The following SYNE2 variants were observed in gnomAD, a reference collection of about 807,000 sequenced individuals.
SYNE2 encodes the protein spectrin repeat containing nuclear envelope protein 2.
Under a neutral mutation model 856.3 loss-of-function variants are expected in SYNE2, and 431 were observed. The observed-to-expected ratio is 0.50, with a 90% CI of 0.47 to 0.55. The LOEUF is 0.55. Ranked by LOEUF, SYNE2 falls within the 20% of genes least tolerant of loss-of-function variation. The pLI, the probability that SYNE2 is intolerant of heterozygous loss-of-function variation, is 0.00. For missense variants in SYNE2, 8,129 were observed against 8,023.2 expected (o/e 1.01, Z -0.50); for synonymous variants, 2,923 against 2,872.3 (o/e 1.02, Z -0.56).
chr14:64,013,501 C>A (rs867313631), intron 32 of SYNE2, among the ~76,000 whole-genome samples: 1 of 152,124 alleles, frequency 6.6e-6, no homozygotes. Context: ...CTTTTATAGT[C>A]CCCAAGGCCT....
intron 78 of SYNE2, among the ~76,000 whole-genome samples, chr14:64,135,622 G>T (rs758357619): frequency 6.6e-6 from 1 of 152,136 alleles, no homozygotes; most frequent in Non-Finnish European, 1.5e-5. Flanking sequence ...TTAAGCAACA[G>T]TCTAATATTA....
At position 64,021,480 on chromosome 14, in the gene SYNE2, CCTT is replaced by C. The variant is rs781006860; in HGVS notation, c.5320_5322del (p.Ser1774del). 2 of 1,613,754 alleles carry C rather than the reference CCTT, an allele frequency of 1.2e-6. No individual in the cohort carries two copies. The highest frequency in any genetic ancestry group is 2.7e-5 in the African/African-American group (2 of 74,796). ...TGAATCCCTCTTAAAAGCCCTGTCT[CCTT>C]CTGACAGCTTGGAGATCTTCACTAA... is the stretch of plus-strand genomic sequence containing the variant. On this transcript the variant is annotated inframe_deletion, in exon 36 of 116. Transcript: ENST00000555002.
chr14:63,787,327 T>A (rs1348936437), intron 1 of SYNE2, among the ~76,000 whole-genome samples: 2 of 152,142 alleles, frequency 1.3e-5, no homozygotes, highest in African/African-American at 4.8e-5. Context: ...AACTGACTCA[T>A]CTTCTTCCCC....
intron 106 of SYNE2, among the ~76,000 whole-genome samples, chr14:64,214,780 C>A (rs2098657938): frequency 1.3e-5 from 2 of 152,146 alleles, no homozygotes; most frequent in African/African-American, 4.8e-5. Context: ...CACACTGTCA[C>A]CCAGGCTGAG....
intron 99 of SYNE2, chr14:64,202,125 C>G (rs1233510118): frequency 2.9e-6 from 2 of 696,542 alleles, no homozygotes; most frequent in African/African-American, 3.5e-5. Flanking sequence ...GGCAGACTGG[C>G]GAGGGAGATC....
chr14:63,881,532 T>C (rs534664629), intron 1 of SYNE2, among the ~76,000 whole-genome samples: 1 of 151,226 alleles, frequency 6.6e-6, no homozygotes, highest in Non-Finnish European at 1.5e-5. Context: ...GTTAGAGTTA[T>C]AATACAGATT....
chr14:64,137,649 C>A, intron 78 of SYNE2, 138 bp from the exon 79 acceptor site: 1 of 880,420 alleles, frequency 1.1e-6, no homozygotes, highest in Non-Finnish European at 1.8e-6. Context: ...TCCAGTCAGA[C>A]TATATAGTCT....
At chr14:63,804,206 T>C (rs1486829150) in intron 1 of SYNE2, among the ~76,000 whole-genome samples, 1 of 152,204 alleles carries the variant, frequency 6.6e-6, no homozygotes, top group African/African-American at 2.4e-5. Flanking sequence ...ACACCCATTT[T>C]TTAATCAGTT....
intron 12 of SYNE2, 141 bp downstream of exon 12, chr14:63,976,868 T>G: frequency 2.2e-6 from 2 of 892,452 alleles, no homozygotes; most frequent in Non-Finnish European, 3.5e-6. Flanking sequence ...TGGGGATTTT[T>G]GGGACCTAGA....
intron 79 of SYNE2, 160 bp downstream of exon 79, chr14:64,138,143 G>T: frequency 8.5e-6 from 6 of 709,116 alleles, no homozygotes; most frequent in Non-Finnish European, 1.5e-5. Flanking sequence ...ACGCGATGTA[G>T]AATCTCTGAT....
chr14:63,974,798 A>ATATGTGTGTG (rs2096519293), intron 11 of SYNE2, among the ~76,000 whole-genome samples: 1 of 133,676 alleles, frequency 7.5e-6, no homozygotes, highest in African/African-American at 2.8e-5. Context: ...ATATATGTGT[A>ATATGTGTGTG]TATATGTGTA....
In SYNE2 at chr14:63,767,273, T is replaced by C. The variant is rs570472506; in HGVS notation, c.-305+5287T>C. 7.8e-4 allele frequency among the ~76,000 whole-genome samples: 118 copies of C among 151,906 alleles called. 3 individuals carry two copies. Among genetic ancestry groups the C allele is most frequent in the Admixed American group, 3.6e-3 (55 of 15,230 alleles). On this transcript the variant is annotated intron_variant, in intron 1 of 23. Coordinates refer to the SYNE2 transcript ENST00000674003. ...GGCGCCAGCCAACACGCCCAGTTAA[T>C]TTTTGTATTTTTTTTTAGTAGGGAT... is the stretch of plus-strand genomic sequence containing the variant.
Position 64,027,612 on chromosome 14 carries a change from AG to A in SYNE2, c.6534del (p.Ala2180LeufsTer3), listed in dbSNP as rs2096990931. 6.2e-7 allele frequency: 1 copy of A among 1,614,050 alleles called. No homozygotes were observed. The highest frequency in any genetic ancestry group is 8.5e-7 in the Non-Finnish European group (1 of 1,180,020). Reference sequence around the variant, plus strand: ...GCTCTACAACATGGTCTGCAGGAGAAGAAAGCTCAGTTAAAGATTTATAAGA... The same window carrying A: ...GCTCTACAACATGGTCTGCAGGAGAAAAAGCTCAGTTAAAGATTTATAAGA... Reference protein sequence around the residue: ...GFALQHGLQEKKAQLKIYKKF... With the variant: ...GFALQHGLQEXKAQLKIYKKF... On this transcript the variant is annotated frameshift_variant, in exon 43 of 116. Transcript: ENST00000555002. LOFTEE classifies it high-confidence loss of function.
rs190331728 is a variant in SYNE2 at position 64,036,693 on chromosome 14, T to A, written c.7221+5336T>A. On this transcript the variant is annotated intron_variant, in intron 45 of 115. Coordinates refer to ENST00000555002, the MANE Select transcript of SYNE2 (RefSeq NM_182914.3). ...TCTATAACCCACACATTAAAAAAAA[T>A]TTTTTTTTAATTTTTCCCCAATCAC... Among the ~76,000 whole-genome samples the A allele has an allele frequency of 3.7e-3, 557 of 151,998 alleles. 3 individuals are homozygous for A. The highest frequency in any genetic ancestry group is 0.012 in the African/African-American group (485 of 41,472).
Position 63,816,938 on chromosome 14 carries a change from C to T in SYNE2, c.-304-35563C>T, listed in dbSNP as rs78122879. 5.4e-3 allele frequency among the ~76,000 whole-genome samples: 819 copies of T among 152,156 alleles called. 5 individuals are homozygous for T. Among genetic ancestry groups the T allele is most frequent in the African/African-American group, 0.018 (756 of 41,516 alleles). On this transcript the variant is annotated intron_variant, in intron 1 of 23. Coordinates refer to the SYNE2 transcript ENST00000674003. ...CTTGCTATATTGGCTAGGCTAATCA[C>T]AGGCATGATCATAGTGTACTTCAGC...
intron 1 of SYNE2, among the ~76,000 whole-genome samples, chr14:63,827,212 A>AGGTTGCAGT (rs1889462516): frequency 6.6e-6 from 1 of 150,552 alleles, no homozygotes; most frequent in Admixed American, 6.7e-5. Context: ...CAGGAGGCAG[A>AGGTTGCAGT]GGTTGCAGTG....
chr14:64,126,940 T>C (rs995000714), intron 73 of SYNE2, 133 bp downstream of exon 73: 1 of 1,047,608 alleles, frequency 9.5e-7, no homozygotes, highest in Admixed American at 2.0e-5. Flanking sequence ...CTTCTGTTTG[T>C]TGCTCATGGT....
At position 64,132,929 on chromosome 14, in the gene SYNE2, G is replaced by A. The variant is rs145672018; in HGVS notation, c.14514+491G>A. Among the ~76,000 whole-genome samples the A allele has an allele frequency of 3.3e-3, 502 of 152,234 alleles. 1 individual carries two copies. Among genetic ancestry groups the A allele is most frequent in the Non-Finnish European group, 5.8e-3 (394 of 68,010 alleles). ...AAATAAAATAGGAAGGAGGCCGGGC[G>A]CAGTGGCTCACGCCTGTAATCCCAG... On this transcript the variant is annotated intron_variant, in intron 77 of 115. Coordinates refer to ENST00000555002, the MANE Select transcript of SYNE2 (RefSeq NM_182914.3).
At chr14:63,979,646 C>T (rs893678990) in intron 14 of SYNE2, among the ~76,000 whole-genome samples, 11 of 152,190 alleles carry the variant, frequency 7.2e-5, no homozygotes, top group African/African-American at 2.2e-4. Flanking sequence ...GGCGCGGTGG[C>T]GCACACCTGT....
Sources: gnomAD v4.1 joint callset for allele counts (sites outside exome capture counted in the v4.1 genomes callset) on GRCh38, gnomAD v4.1.1 for gene constraint, MANE v1.5 for transcripts, NCBI Gene and HGNC (gene_info 2026-07-23, HGNC 2026-07-21) for gene names.